Variants in PDE8B observed in about 807,000 individuals in gnomAD.
PDE8B encodes the protein high affinity cAMP-specific and IBMX-insensitive 3',5'-cyclic phosphodiesterase 8B.
A neutral mutation model predicts 101.3 loss-of-function variants in PDE8B; 26 were observed. The ratio of observed to expected loss-of-function variants is 0.26; its 90% CI spans 0.19 to 0.36. The LOEUF (loss-of-function observed/expected upper bound fraction) is 0.36. PDE8B is among the 10% of genes least tolerant of loss of function. The pLI, the probability that PDE8B is intolerant of heterozygous loss-of-function variation, is 1.00. For missense variants in PDE8B, 810 were observed against 1,163.1 expected (o/e 0.70, Z 4.42); for synonymous variants, 424 against 429.3 (o/e 0.99, Z 0.15).
In PDE8B at chr5:77,344,808, A is replaced by G. The variant is rs201943184; in HGVS notation, c.798-45A>G. On this transcript the variant is annotated intron_variant, in intron 6 of 21. Transcript: ENST00000264917. Reference sequence around the variant, plus strand: ...TGTTAAATTAACAGATGAAATGTGAATGGTTTTCATAGAAGAACTAACTTC... The same window carrying G: ...TGTTAAATTAACAGATGAAATGTGAGTGGTTTTCATAGAAGAACTAACTTC... 1.2e-4 allele frequency: 138 copies of G among 1,183,592 alleles called. No homozygotes were observed. In the South Asian group the frequency reaches 1.5e-3, roughly 13 times the overall value. 73.3% of individuals were successfully genotyped at this position (1,183,592 alleles called of 1,614,324 possible).
At chr5:77,423,560 G>C (rs1235145686) in intron 20 of PDE8B, among the ~76,000 whole-genome samples, 2 of 149,068 alleles carry the variant, frequency 1.3e-5, no homozygotes, top group African/African-American at 4.9e-5. Context: ...ATTCTGACTA[G>C]TTTGAGATGG....
At chr5:77,364,403 G>T (rs536347647) in intron 10 of PDE8B, among the ~76,000 whole-genome samples, 1 of 152,302 alleles carries the variant, frequency 6.6e-6, no homozygotes, top group African/African-American at 2.4e-5. Flanking sequence ...CGCTTCTGTG[G>T]TGCCTCATTT....
intron 1 of PDE8B, among the ~76,000 whole-genome samples, chr5:77,238,524 C>G (rs1377891977): frequency 6.6e-6 from 1 of 152,190 alleles, no homozygotes; most frequent in Non-Finnish European, 1.5e-5. Flanking sequence ...TAGTCTTTGT[C>G]AGATAATTCC....
intron 7 of PDE8B, 128 bp downstream of exon 7, chr5:77,345,059 C>A: frequency 2.7e-6 from 2 of 733,350 alleles, no homozygotes; most frequent in South Asian, 2.9e-5. Context: ...AAATAAATAT[C>A]AAGCTGTGCA....
chr5:77,206,675 T>C (rs963495708), upstream of PDE8B, among the ~76,000 whole-genome samples: 1 of 152,014 alleles, frequency 6.6e-6, no homozygotes, highest in Admixed American at 6.6e-5. Context: ...GAGGCACTTA[T>C]AAGGACTTAA....
At chr5:77,372,354 G>C (rs1299746179) in intron 10 of PDE8B, among the ~76,000 whole-genome samples, 1 of 152,204 alleles carries the variant, frequency 6.6e-6, no homozygotes, top group Non-Finnish European at 1.5e-5. Context: ...CATCTATTTA[G>C]GATGGAATCT....
At chr5:77,133,960 C>G in the PDE8B span, among the ~76,000 whole-genome samples, 1 of 152,126 alleles carries the variant, frequency 6.6e-6, no homozygotes, top group South Asian at 2.1e-4. Flanking sequence ...GGTTAGATAC[C>G]TCTCCTGGCT....
chr5:77,118,145 C>G, the PDE8B span, among the ~76,000 whole-genome samples: 50,112 of 151,890 alleles, frequency 0.33, 8,891 homozygotes, highest in East Asian at 0.57. Flanking sequence ...TGGGGTTTCA[C>G]CATGTTGGCC....
chr5:77,166,226 T>TAA, the PDE8B span, among the ~76,000 whole-genome samples: 38,060 of 115,922 alleles, frequency 0.33, 5,848 homozygotes, highest in Middle Eastern at 0.37. Context: ...TCGGTAAAGA[T>TAA]AAAAAAAAAA....
chr5:77,107,650 T>G, the PDE8B span, among the ~76,000 whole-genome samples: 1 of 152,228 alleles, frequency 6.6e-6, no homozygotes, highest in South Asian at 2.1e-4. Flanking sequence ...GATAGTTAGC[T>G]ATAGGCTCTT....
intron 1 of PDE8B, among the ~76,000 whole-genome samples, chr5:77,255,683 G>A (rs756006959): frequency 6.6e-5 from 10 of 152,238 alleles, no homozygotes; most frequent in East Asian, 1.9e-4. Context: ...CATTGCAGGC[G>A]GAGGTCAGTG....
the PDE8B span, chr5:77,148,038 G>A: frequency 6.6e-6 from 1 of 152,220 alleles, no homozygotes; most frequent in East Asian, 1.9e-4. Flanking sequence ...AAAGAAGCAA[G>A]TCAGCAGGTC....
intron 1 of PDE8B, among the ~76,000 whole-genome samples, chr5:77,288,807 G>C (rs1262948917): frequency 6.6e-6 from 1 of 150,710 alleles, no homozygotes; most frequent in African/African-American, 2.4e-5. Flanking sequence ...TGTGCTCCTC[G>C]GTTTTTTCCT....
the PDE8B span, among the ~76,000 whole-genome samples, chr5:77,133,207 A>G: frequency 6.6e-6 from 1 of 152,230 alleles, no homozygotes; most frequent in Non-Finnish European, 1.5e-5. Context: ...TCTTAGGCTT[A>G]TGCCATCAGA....
the PDE8B span, among the ~76,000 whole-genome samples, chr5:77,143,331 T>C: frequency 3.2e-4 from 48 of 152,338 alleles, no homozygotes; most frequent in African/African-American, 1.1e-3. Flanking sequence ...AACATTGTTT[T>C]TATGGAAAAA....
At chr5:77,147,142 T>TGAA in the PDE8B span, 3 of 19,822 alleles carry the variant, frequency 1.5e-4, no homozygotes, top group East Asian at 0.062. Flanking sequence ...AAGATGAAGA[T>TGAA]GATGATGATG....
At chr5:77,192,825 T>C in the PDE8B span, among the ~76,000 whole-genome samples, 1 of 152,228 alleles carries the variant, frequency 6.6e-6, no homozygotes, top group Non-Finnish European at 1.5e-5. Context: ...CCAGTTGTTC[T>C]ATATCTTGCT....
chr5:77,200,566 A>T, the PDE8B span, among the ~76,000 whole-genome samples: 11 of 151,840 alleles, frequency 7.2e-5, no homozygotes, highest in African/African-American at 2.7e-4. Flanking sequence ...TTTTTTTTAA[A>T]AAATTTTGTT....
chr5:77,353,532 G>T, intron 10 of PDE8B, 126 bp downstream of exon 10: 1 of 718,118 alleles, frequency 1.4e-6, no homozygotes, highest in East Asian at 2.6e-5. Flanking sequence ...CAATTAAGCA[G>T]ATTTATGGGA....
Sources: gnomAD v4.1 joint callset for allele counts (sites outside exome capture counted in the v4.1 genomes callset) on GRCh38, gnomAD v4.1.1 for gene constraint, MANE v1.5 for transcripts, NCBI Gene and HGNC (gene_info 2026-07-23, HGNC 2026-07-21) for gene names.